ZNF768: variants seen among roughly 807,000 people sequenced by gnomAD.
The protein encoded by ZNF768 is zinc finger protein 768.
ZNF768 carries 12 observed loss-of-function variants against 39.7 expected under a neutral mutation model. The ratio of observed to expected loss-of-function variants is 0.30; its 90% CI spans 0.19 to 0.49. The LOEUF (loss-of-function observed/expected upper bound fraction) is 0.49, where lower values mean the gene tolerates loss of function less well. Ranked by LOEUF, ZNF768 falls within the 20% of genes least tolerant of loss-of-function variation. The probability of loss-of-function intolerance (pLI) is 0.99; values close to 1 mark genes in which losing one functional copy is unlikely to be tolerated. For missense variants in ZNF768, 613 were observed against 723.2 expected (o/e 0.85, Z 1.75); for synonymous variants, 360 against 288.4 (o/e 1.25, Z -2.52).
upstream of ZNF768, chr16:30,527,757 C>G (rs2051341737): frequency 6.6e-6 from 1 of 152,404 alleles, no homozygotes; most frequent in Admixed American, 6.5e-5. Context: ...CCTTCCCCAG[C>G]GCCTGAGTTT....
At chr16:30,531,258 T>A (rs1444369926), upstream of ZNF768, 1 of 152,230 alleles carries the variant, frequency 6.6e-6, no homozygotes, top group Non-Finnish European at 1.5e-5. Context: ...CACAGTAAGT[T>A]GGGAGTTCTG....
chr16:30,525,489 C>G lies in ZNF768; in HGVS notation c.651G>C (p.Glu217Asp). ...TGDLPIGPPF[E>D]MPTGALLSTP... ...TAGACAGCAGGGCCCCTGTGGGCATCTCAAAAGGTGGCCCTATGGGCAGGT... is the reference window on the plus strand; with the variant it reads ...TAGACAGCAGGGCCCCTGTGGGCATGTCAAAAGGTGGCCCTATGGGCAGGT... The change falls in exon 2 of 2, where the codon GAG (glutamate) becomes GAC (aspartate). Residue 217 changes from glutamate (E) to aspartate (D), a missense_variant. Around this residue, in one of 4 missense-constraint regions of ZNF768, gnomAD observed 347 missense variants for 326.1 expected, o/e 1.06. Transcript: ENST00000380412. 6.2e-7 allele frequency: 1 copy of G among 1,614,164 alleles called. No homozygotes were observed. The highest frequency in any genetic ancestry group is 8.5e-7 in the Non-Finnish European group (1 of 1,180,030).
chr16:30,527,159 C>T (rs994191115), upstream of ZNF768: 3 of 985,346 alleles, frequency 3.0e-6, no homozygotes, highest in Non-Finnish European at 3.6e-6. Context: ...CCCTCCCGGG[C>T]CTCCGGGTCA....
upstream of ZNF768, among the ~76,000 whole-genome samples, chr16:30,529,821 G>GT (rs1272934657): frequency 0.04 from 5,269 of 132,692 alleles, 200 homozygotes; most frequent in African/African-American, 0.075. Flanking sequence ...GGAGTAGCTA[G>GT]TTTTTTTTTT....
Position 30,525,848 on chromosome 16 carries a change from G to A in ZNF768, c.292C>T (p.Pro98Ser). The change falls in exon 2 of 2, where the codon CCT becomes TCT. Residue 98 changes from proline (P) to serine (S), a missense_variant. By Grantham distance (74) the Pro-to-Ser change is moderately conservative. Around this residue, in one of 4 missense-constraint regions of ZNF768, gnomAD observed 347 missense variants for 326.1 expected, o/e 1.06. Transcript: ENST00000380412. ...SRSPGLVPPS[P>S]EFAPRSPESD... The stretch of plus-strand genomic sequence containing the variant: ...TCAGGGCTTCTGGGTGCAAACTCAG[G>A]GCTTGGGGGCACAAGCCCAGGGCTT... 6.6e-7 allele frequency: 1 copy of A among 1,526,400 alleles called. No individual in the cohort carries two copies. The highest frequency in any genetic ancestry group is 1.3e-5 in the South Asian group (1 of 75,022). 94.6% of individuals were successfully genotyped at this position (1,526,400 alleles called of 1,614,324 possible).
Position 30,526,369 on chromosome 16 carries a change from C to A in ZNF768, c.45G>T (p.Val15=). The change falls in exon 1 of 2, where the codon GTG becomes GTT. Residue 15 remains valine, a synonymous_variant. Coordinates refer to ENST00000380412, the MANE Select transcript of ZNF768 (RefSeq NM_024671.4). ...ALPWGLEPQD[V]QSSDEMRSPE... Reference sequence around the variant, plus strand: ...GGCTCCTCATTTCGTCAGAACTCTGCACATCCTGGGGCTCGAGGCCCCACG... The same window carrying A: ...GGCTCCTCATTTCGTCAGAACTCTGAACATCCTGGGGCTCGAGGCCCCACG... The A allele has an allele frequency of 6.2e-7, 1 of 1,604,854 alleles. No individual in the cohort carries two copies. Among genetic ancestry groups the A allele is most frequent in the Non-Finnish European group, 8.5e-7 (1 of 1,176,440 alleles).
upstream of ZNF768, chr16:30,530,766 CCAGA>C (rs2051363346): frequency 6.6e-6 from 1 of 152,418 alleles, no homozygotes; most frequent in Non-Finnish European, 1.5e-5. This position sits in a 1 kb window ranked among gnomAD's most constrained non-coding sequence, Gnocchi z 4.4. Context: ...CCTGGGTAGG[CCAGA>C]CACAGGGCTG....
Position 30,526,433 on chromosome 16 carries a change from AGCGGCG to A in ZNF768, c.-26_-21del. ...CTCCATCCCCGCGGGCTCCCAGTGC[AGCGGCG>A]GCGGCGATGGCGGCCGATCCCGCGA... On this transcript the variant is annotated 5_prime_UTR_variant, in exon 1 of 2. Transcript: ENST00000380412. The A allele has an allele frequency of 2.7e-5, 42 of 1,536,186 alleles. No individual in the cohort carries two copies. Among genetic ancestry groups the A allele is most frequent in the Non-Finnish European group, 3.4e-5 (39 of 1,143,578 alleles).
In ZNF768 at chr16:30,525,549, G is replaced by A. The variant is rs758497258; in HGVS notation, c.591C>T (p.Ser197=). Residue 197 remains serine (S), a synonymous_variant, in exon 2 of 2, where the codon TCC becomes TCT. Coordinates refer to ENST00000380412, the MANE Select transcript of ZNF768 (RefSeq NM_024671.4). Reference sequence around the variant, plus strand: ...GCTGCTCCCCAAACCCCTGAGTGAAGGAGTCCAGGGGGTGAACTCCTACGG... The same window carrying A: ...GCTGCTCCCCAAACCCCTGAGTGAAAGAGTCCAGGGGGTGAACTCCTACGG... ...NISVGVHPLD[S]FTQGFGEQPT... is the part of the protein sequence containing the mutation. 6.2e-7 allele frequency: 1 copy of A among 1,614,242 alleles called. No individual in the cohort carries two copies. Among genetic ancestry groups the A allele is most frequent in the East Asian group, 2.2e-5 (1 of 44,890 alleles).
chr16:30,532,378 C>G, the ZNF768 span: 2 of 1,170,172 alleles, frequency 1.7e-6, no homozygotes, highest in South Asian at 1.4e-5. Context: ...TCAGACTGTC[C>G]GCACCCCAGG....
In ZNF768 at chr16:30,525,768, T is replaced by C; in HGVS notation, c.372A>G (p.Gln124=). 2 of 1,591,168 alleles carry C rather than the reference T, an allele frequency of 1.3e-6. No individual in the cohort carries two copies. Among genetic ancestry groups the C allele is most frequent in the Middle Eastern group, 1.8e-4 (1 of 5,712 alleles). Residue 124 remains glutamine, a synonymous_variant, in exon 2 of 2, where the codon CAA becomes CAG. Transcript: ENST00000380412. ...GGCTCCGAGGTTCATAGCCAGGGCT[T>C]TGGGGTTCATACCTAGGGCTCTGGG... ...FESQSPRYEP[Q]SPGYEPRSPG... is the part of the protein sequence containing the mutation.
chr16:30,526,877 G>A (rs898294418), upstream of ZNF768: 56 of 982,014 alleles, frequency 5.7e-5, no homozygotes, highest in Non-Finnish European at 6.0e-5. Flanking sequence ...TCTAGGAGCC[G>A]CTGGAGGTGG....
At chr16:30,528,076 A>G (rs2051344159), upstream of ZNF768, 1 of 152,122 alleles carries the variant, frequency 6.6e-6, no homozygotes, top group Non-Finnish European at 1.5e-5. Context: ...CGTTCTTGAC[A>G]GTTAACGAGC....
At chr16:30,527,308 G>C, upstream of ZNF768, 1 of 985,656 alleles carries the variant, frequency 1.0e-6, no homozygotes, top group Non-Finnish European at 1.2e-6. Context: ...CACCCAGCTC[G>C]GCTCCCCTGA....
chr16:30,532,233 A>G, the ZNF768 span: 1 of 571,158 alleles, frequency 1.8e-6, no homozygotes, highest in Non-Finnish European at 3.1e-6. Flanking sequence ...CTCTGGGAGG[A>G]GAAACAGCTT....
At position 30,525,633 on chromosome 16, in the gene ZNF768, T is replaced by C; in HGVS notation, c.507A>G (p.Lys169=). 1 of 1,614,224 alleles carries C rather than the reference T, an allele frequency of 6.2e-7. No individual in the cohort carries two copies. The highest frequency in any genetic ancestry group is 8.5e-7 in the Non-Finnish European group (1 of 1,180,032). The change falls in exon 2 of 2, where the codon AAA becomes AAG. Residue 169 remains lysine (K), a synonymous_variant. Transcript: ENST00000380412. ...GAAGCATCTCCGCACCTTCCTGGAA[T>C]TTGGAACTTTGAGCTTCAAATTCTG... The part of the protein sequence containing the change: ...QSPEFEAQSS[K]FQEGAEMLLN...
Position 30,525,386 on chromosome 16 carries a change from C to T in ZNF768, c.754G>A (p.Ala252Thr), listed in dbSNP as rs757510388. 1 of 1,614,006 alleles carries T rather than the reference C, an allele frequency of 6.2e-7. No individual in the cohort carries two copies. The highest frequency in any genetic ancestry group is 2.2e-5 in the East Asian group (1 of 44,874). ...LRGPGRRGGR[A>T]RGGQGPRPNI... ...GGCCGAGGGCCCTGCCCACCCCTGG[C>T]CCGGCCACCCCGCCGACCTGGACCT... The change falls in exon 2 of 2, where the codon GCC becomes ACC. Residue 252 changes from alanine to threonine, a missense_variant. This residue lies in a region of ZNF768 where 347 missense variants were observed against 326.1 expected (regional missense o/e 1.06). Coordinates refer to ENST00000380412, the MANE Select transcript of ZNF768 (RefSeq NM_024671.4).
At chr16:30,530,072 G>A (rs563936675), upstream of ZNF768, among the ~76,000 whole-genome samples, 5 of 152,000 alleles carry the variant, frequency 3.3e-5, no homozygotes, top group East Asian at 5.8e-4. The surrounding 1 kb of genome is among the most constrained non-coding windows in gnomAD (Gnocchi z 4.4). Context: ...CTTGCGATCC[G>A]CCCGCCTCAG....
chr16:30,526,547 G>A lies in ZNF768; in HGVS notation c.-134C>T, dbSNP rs1597119112. On this transcript the variant is annotated 5_prime_UTR_variant, in exon 1 of 2. Transcript: ENST00000380412. ...CAGGGGACTCGGCGGCCCAGCCCGGGCCCCCGAGGCCGGACGTCTTGACCC... is the reference window on the plus strand; with the variant it reads ...CAGGGGACTCGGCGGCCCAGCCCGGACCCCCGAGGCCGGACGTCTTGACCC... The A allele has an allele frequency of 2.3e-5, 25 of 1,076,950 alleles. No individual in the cohort carries two copies. Among genetic ancestry groups the A allele is most frequent in the Non-Finnish European group, 2.6e-5 (23 of 889,898 alleles). 66.7% of individuals were successfully genotyped at this position (1,076,950 alleles called of 1,614,324 possible).
Sources: gnomAD v4.1 joint callset for allele counts (sites outside exome capture counted in the v4.1 genomes callset) on GRCh38, gnomAD v4.1.1 for gene constraint, gnomAD v4.1.1 regional missense constraint, Gnocchi (gnomAD v3.1) non-coding constraint, MANE v1.5 for transcripts, NCBI Gene and HGNC (gene_info 2026-07-23, HGNC 2026-07-21) for gene names.